ANK3: variants seen among roughly 807,000 people sequenced by gnomAD.
ANK3 encodes ankyrin-3.
In ANK3, 57 loss-of-function variants were observed where a neutral mutation model predicts 370.9. The ratio of observed to expected loss-of-function variants is 0.15; its 90% CI spans 0.12 to 0.19. ANK3 has a LOEUF of 0.19. Among genes scored for constraint, ANK3 ranks in the 10% least tolerant of loss-of-function variants. ANK3 has a pLI of 1.00. For missense variants in ANK3, 4,439 were observed against 5,302.1 expected (o/e 0.84, Z 5.06); for synonymous variants, 1,929 against 1,946.3 (o/e 0.99, Z 0.23).
chr10:60,092,466 T>C (rs142127813), intron 28 of ANK3, among the ~76,000 whole-genome samples: 339 of 152,298 alleles, frequency 2.2e-3, no homozygotes, highest in Non-Finnish European at 3.4e-3. Context: ...AACTCTGAGA[T>C]GGGAGGATCA....
intron 1 of ANK3, among the ~76,000 whole-genome samples, chr10:60,620,318 A>G (rs2078318608): frequency 6.6e-6 from 1 of 152,174 alleles, no homozygotes; most frequent in South Asian, 2.1e-4. Flanking sequence ...AAGTTTAGTT[A>G]TATTAGGACC....
At chr10:60,450,833 T>C (rs779484515) in intron 2 of ANK3, among the ~76,000 whole-genome samples, 12 of 152,146 alleles carry the variant, frequency 7.9e-5, no homozygotes, top group Admixed American at 3.3e-4. Flanking sequence ...TAACGTGAAT[T>C]TTCTCACTTT....
intron 2 of ANK3, among the ~76,000 whole-genome samples, chr10:60,428,157 T>C (rs2063931596): frequency 6.6e-6 from 1 of 152,172 alleles, no homozygotes; most frequent in Non-Finnish European, 1.5e-5. Context: ...CTCTTCATAG[T>C]TGTTTATAGA....
At chr10:60,302,685 T>C (rs1175355113) in intron 1 of ANK3, among the ~76,000 whole-genome samples, 1 of 152,204 alleles carries the variant, frequency 6.6e-6, no homozygotes, top group Admixed American at 6.5e-5. Flanking sequence ...GTATGTCTTC[T>C]TGACTACCAT....
Position 60,503,576 on chromosome 10 carries a change from C to T in ANK3, c.96+111610G>A, listed in dbSNP as rs536933120. ...GGCTGTTGATCACCAAGCTACAGTG[C>T]CTGGAACCCAGGACTGAAGCTCAGT... On this transcript the variant is annotated intron_variant, in intron 2 of 43. Transcript: ENST00000373827. Among the ~76,000 whole-genome samples the T allele has an allele frequency of 7.9e-5, 12 of 152,304 alleles. No homozygotes were observed. In the South Asian group the frequency reaches 2.3e-3, roughly 29 times the overall value.
At chr10:60,349,287 C>T (rs1056766611) in intron 1 of ANK3, among the ~76,000 whole-genome samples, 1 of 152,154 alleles carries the variant, frequency 6.6e-6, no homozygotes, top group African/African-American at 2.4e-5. Context: ...AAGATGTCTA[C>T]GTAGACAGCT....
intron 1 of ANK3, among the ~76,000 whole-genome samples, chr10:60,365,625 C>T (rs543919233): frequency 1.7e-4 from 26 of 152,038 alleles, no homozygotes; most frequent in Non-Finnish European, 2.4e-4. Context: ...TTAAATGGAA[C>T]GAGAGAAAAA....
chr10:60,217,579 T>A (rs7086775), intron 8 of ANK3, among the ~76,000 whole-genome samples: 28,683 of 152,062 alleles, frequency 0.19, 2,894 homozygotes, highest in African/African-American at 0.25. Context: ...TTTCAGCGAG[T>A]TTCTTAATCC....
chr10:60,439,491 T>C (rs761202306), intron 2 of ANK3, among the ~76,000 whole-genome samples: 20 of 152,040 alleles, frequency 1.3e-4, no homozygotes, highest in Admixed American at 2.6e-4. Context: ...TGAGCCCTCA[T>C]TTCTATGAAA....
At position 60,048,029 on chromosome 10, in the gene ANK3, T is replaced by C. The variant is rs372449254; in HGVS notation, c.13066-5270A>G. 7.9e-5 allele frequency among the ~76,000 whole-genome samples: 12 copies of C among 152,294 alleles called. No individual in the cohort carries two copies. The East Asian group carries it at 2.1e-3, about 27-fold the overall frequency. ...CTTCATAGAAAAAGAATGGATCCAC[T>C]TTGAAAGTAAAGAGAAAAATCGCCG... On this transcript the variant is annotated intron_variant, in intron 42 of 43. Transcript: ENST00000280772.
At chr10:60,415,857 T>C (rs2063650907) in intron 2 of ANK3, among the ~76,000 whole-genome samples, 1 of 148,776 alleles carries the variant, frequency 6.7e-6, no homozygotes, top group Admixed American at 6.9e-5. Flanking sequence ...CACTTACATA[T>C]GGCATTGGTA....
chr10:60,181,419 C>G lies in ANK3; in HGVS notation c.2094G>C (p.Leu698=). The part of the protein sequence containing the change: ...ANVNLSNKSG[L]TPLHLAAQED... ...CTTGAGCAGCCAAATGGAGTGGGGT[C>G]AGGCCGCTCTGCAAAAGATTCAAAG... Residue 698 remains leucine, a synonymous_variant, in exon 18 of 44, where the codon CTG becomes CTC. Coordinates refer to ENST00000280772, the MANE Select transcript of ANK3 (RefSeq NM_020987.5). 1.2e-6 allele frequency: 2 copies of G among 1,614,132 alleles called. No homozygotes were observed. Among genetic ancestry groups the G allele is most frequent in the Non-Finnish European group, 1.7e-6 (2 of 1,180,002 alleles).
At chr10:60,561,480 A>G (rs2077333084) in intron 2 of ANK3, among the ~76,000 whole-genome samples, 1 of 152,224 alleles carries the variant, frequency 6.6e-6, no homozygotes, top group Admixed American at 6.5e-5. Flanking sequence ...AGTGGAAAGT[A>G]AAATAAAAGT....
intron 2 of ANK3, among the ~76,000 whole-genome samples, chr10:60,603,809 AG>A (rs1395652575): frequency 6.6e-6 from 1 of 152,120 alleles, no homozygotes; most frequent in Non-Finnish European, 1.5e-5. Flanking sequence ...ACACTGGACA[AG>A]AGCTGTCTCA....
chr10:60,303,876 A>ATG (rs71015783), intron 1 of ANK3, among the ~76,000 whole-genome samples: 26,039 of 147,360 alleles, frequency 0.18, 2,301 homozygotes, highest in Middle Eastern at 0.23. Context: ...TGGTGTATAT[A>ATG]TGTGTGTGTG....
At chr10:60,174,787 G>T (rs927544984) in intron 18 of ANK3, among the ~76,000 whole-genome samples, 1 of 151,922 alleles carries the variant, frequency 6.6e-6, no homozygotes, top group Non-Finnish European at 1.5e-5. Flanking sequence ...ACCAGGCTGG[G>T]GTGCAGTGAT....
intron 2 of ANK3, among the ~76,000 whole-genome samples, chr10:60,535,134 C>T (rs1489884343): frequency 6.6e-6 from 1 of 152,132 alleles, no homozygotes; most frequent in Non-Finnish European, 1.5e-5. Context: ...ATACAGGTCA[C>T]TGTAGACTGG....
At chr10:60,399,815 T>A (rs544471503) in intron 2 of ANK3, among the ~76,000 whole-genome samples, 14 of 152,336 alleles carry the variant, frequency 9.2e-5, no homozygotes, top group Non-Finnish European at 4.4e-5. Flanking sequence ...GGTGGTGATA[T>A]CGCAACACTT....
intron 9 of ANK3, among the ~76,000 whole-genome samples, chr10:60,212,687 T>C (rs1175515283): frequency 1.3e-5 from 2 of 152,122 alleles, no homozygotes; most frequent in African/African-American, 2.4e-5. Context: ...AAGACAGAAA[T>C]AATATGTGCT....
Sources: allele counts gnomAD v4.1 joint callset (sites outside exome capture counted in the v4.1 genomes callset), GRCh38; gene constraint gnomAD v4.1.1; transcripts MANE v1.5; gene names NCBI Gene and HGNC (gene_info 2026-07-23, HGNC 2026-07-21).